Variants in DMBX1 observed in about 807,000 individuals in gnomAD.
The protein encoded by DMBX1 is diencephalon/mesencephalon homeobox 1.
DMBX1 carries 7 observed loss-of-function variants against 30.4 expected under a neutral mutation model. That is an observed-to-expected ratio of 0.23 (90% CI 0.13 to 0.43). The LOEUF is 0.43. Ranked by LOEUF, DMBX1 falls within the 20% of genes least tolerant of loss-of-function variation. The pLI is 1.00. For synonymous variants in DMBX1, 222 were observed against 214.2 expected (o/e 1.04, Z -0.32); for missense variants, 460 against 508.5 (o/e 0.90, Z 0.92).
Position 46,510,700 on chromosome 1 carries a change from C to T in DMBX1, c.333+46C>T, listed in dbSNP as rs113926074. Reference sequence around the variant, plus strand: ...CTAGGCCTTGCAGACAAACACCAGCCCATCAGTCTGCCCGCTTGTCCAGGA... The same window carrying T: ...CTAGGCCTTGCAGACAAACACCAGCTCATCAGTCTGCCCGCTTGTCCAGGA... On this transcript the variant is annotated intron_variant, in intron 4 of 5. Coordinates refer to ENST00000360032, the MANE Select transcript of DMBX1 (RefSeq NM_172225.2). This position sits in a 1 kb window ranked among gnomAD's most constrained non-coding sequence, Gnocchi z 4.1. 4 of 1,585,700 alleles carry T rather than the reference C, an allele frequency of 2.5e-6. No homozygotes were observed. The African/African-American group carries it at 4.0e-5, about 16-fold the overall frequency.
chr1:46,511,958 A>G, intron 5 of DMBX1, 85 bp from the exon 6 acceptor site: 3 of 1,337,904 alleles, frequency 2.2e-6, no homozygotes, highest in Non-Finnish European at 3.1e-6. Context: ...TATAGTGCCA[A>G]GGAGGTGAGA....
In DMBX1 at chr1:46,513,231, CT is replaced by C; in HGVS notation, c.*739del. On this transcript the variant is annotated 3_prime_UTR_variant, in exon 6 of 6. Transcript: ENST00000360032. Reference sequence around the variant, plus strand: ...AATTTTGCGACTTCCCGTTGCTCTCCTTCTATTCCCTTCCTTCTGCCCTGCC... The same window carrying C: ...AATTTTGCGACTTCCCGTTGCTCTCCTCTATTCCCTTCCTTCTGCCCTGCC... 1 of 152,896 alleles carries C rather than the reference CT, an allele frequency of 6.5e-6. No homozygotes were observed. The highest frequency in any genetic ancestry group is 1.5e-5 in the Non-Finnish European group (1 of 68,538). 9.5% of individuals were successfully genotyped at this position (152,896 alleles called of 1,614,324 possible). A position where few individuals can be genotyped will look rare whatever the true frequency, so the allele number is the denominator to read the frequency against.
chr1:46,498,665 A>G (rs1666068734), intron 2 of DMBX1, among the ~76,000 whole-genome samples: 2 of 152,182 alleles, frequency 1.3e-5, no homozygotes, highest in Admixed American at 1.3e-4. Context: ...ACACCCACCA[A>G]GACACATAAA....
intron 2 of DMBX1, among the ~76,000 whole-genome samples, chr1:46,500,686 T>C (rs1666108596): frequency 6.6e-6 from 1 of 152,258 alleles, no homozygotes; most frequent in South Asian, 2.1e-4. Context: ...TGCATATTTA[T>C]ACATACATTA....
chr1:46,510,339 TA>T lies in DMBX1; in HGVS notation c.155-135del. On this transcript the variant is annotated intron_variant, in intron 3 of 5. Coordinates refer to ENST00000360032, the MANE Select transcript of DMBX1 (RefSeq NM_172225.2). The surrounding 1 kb of genome is among the most constrained non-coding windows in gnomAD (Gnocchi z 4.1). ...ATATGGAGAGGGGATGGCTGATTTC[TA>T]AGGGTAAGGGACCAGGGCCAGCTCT... 2 of 1,091,704 alleles carry T rather than the reference TA, an allele frequency of 1.8e-6. No individual in the cohort carries two copies. The highest frequency in any genetic ancestry group is 1.3e-6 in the Non-Finnish European group (1 of 783,650). 67.6% of individuals were successfully genotyped at this position (1,091,704 alleles called of 1,614,324 possible).
Position 46,512,449 on chromosome 1 carries a change from C to A in DMBX1, c.1089C>A (p.Ala363=). The A allele has an allele frequency of 2.5e-6, 4 of 1,613,672 alleles. No individual in the cohort carries two copies. The highest frequency in any genetic ancestry group is 3.4e-6 in the Non-Finnish European group (4 of 1,179,848). ...TTSIENLRLR[A]KQHAASLGLD... The stretch of plus-strand genomic sequence containing the variant: ...GCATCGAGAACCTGCGGCTCCGGGC[C>A]AAGCAGCACGCGGCCTCCCTGGGAC... Residue 363 remains alanine, a synonymous_variant, in exon 6 of 6, where the codon GCC becomes GCA. Transcript: ENST00000360032. The surrounding 1 kb of genome is among the most constrained non-coding windows in gnomAD (Gnocchi z 4.8).
In DMBX1 at chr1:46,505,762, A is replaced by T. The variant is rs1266468306; in HGVS notation, c.-12-1237A>T. ...ACTTAAAGTATAATAATAATAAAAA[A>T]AAATAAAACATTAACTTCTACTTAA... On this transcript the variant is annotated intron_variant, in intron 2 of 5. Transcript: ENST00000360032. 4.0e-5 allele frequency among the ~76,000 whole-genome samples: 6 copies of T among 151,184 alleles called. No homozygotes were observed. The South Asian group carries it at 6.3e-4, about 16-fold the overall frequency.
At chr1:46,496,868 A>C (rs1328056779) in intron 2 of DMBX1, among the ~76,000 whole-genome samples, 1 of 152,206 alleles carries the variant, frequency 6.6e-6, no homozygotes, top group Non-Finnish European at 1.5e-5. Flanking sequence ...GGGTTCGTGT[A>C]TTCATGATCT....
rs1362432417 is a variant in DMBX1 at position 46,491,549 on chromosome 1, G to A, written c.-13+766G>A. On this transcript the variant is annotated intron_variant, in intron 2 of 5. Coordinates refer to ENST00000360032, the MANE Select transcript of DMBX1 (RefSeq NM_172225.2). The surrounding 1 kb of genome is among the most constrained non-coding windows in gnomAD (Gnocchi z 5.5). ...TTGGAGGAAAGGGGCTGTCTGTACCGCAAGGGTTGTGTGCTCCACAGCCGA... is the reference window on the plus strand; with the variant it reads ...TTGGAGGAAAGGGGCTGTCTGTACCACAAGGGTTGTGTGCTCCACAGCCGA... 6.6e-6 allele frequency among the ~76,000 whole-genome samples: 1 copy of A among 152,194 alleles called. No homozygotes were observed. Among genetic ancestry groups the A allele is most frequent in the Admixed American group, 6.5e-5 (1 of 15,286 alleles).
In DMBX1 at chr1:46,510,816, G is replaced by A; in HGVS notation, c.334-119G>A. 1 of 1,342,048 alleles carries A rather than the reference G, an allele frequency of 7.5e-7. No homozygotes were observed. Among genetic ancestry groups the A allele is most frequent in the South Asian group, 1.5e-5 (1 of 67,860 alleles). The allele number at this position is 1,342,048 out of a possible 1,614,324, so 83.1% of individuals were successfully genotyped here. A position where few individuals can be genotyped will look rare whatever the true frequency, so the allele number is the denominator to read the frequency against. ...GGGAGTTTGGGAAGGGACAGAGGGTGTGCATTCCCTAGAGGGGTGGGGGGA... is the reference window on the plus strand; with the variant it reads ...GGGAGTTTGGGAAGGGACAGAGGGTATGCATTCCCTAGAGGGGTGGGGGGA... On this transcript the variant is annotated intron_variant, in intron 4 of 5. Transcript: ENST00000360032. This position sits in a 1 kb window ranked among gnomAD's most constrained non-coding sequence, Gnocchi z 4.1.
chr1:46,496,095 C>T (rs1187704784), intron 2 of DMBX1, among the ~76,000 whole-genome samples: 1 of 152,202 alleles, frequency 6.6e-6, no homozygotes. Flanking sequence ...AGGCTGATCC[C>T]TGGGCTTTCT....
chr1:46,512,259 T>C lies in DMBX1; in HGVS notation c.899T>C (p.Leu300Pro), dbSNP rs780590933. 1.9e-6 allele frequency: 3 copies of C among 1,613,630 alleles called. No homozygotes were observed. The highest frequency in any genetic ancestry group is 2.2e-5 in the South Asian group (2 of 91,078). ...GCGGCGGCTGCTGCTGTGCCCTACC[T>C]GGGCGTCAACATGGCCCCGCTGGGC... ...AAAAAAAVPY[L>P]GVNMAPLGSL... The change falls in exon 6 of 6, where the codon CTG (leucine) becomes CCG (proline). Residue 300 changes from leucine to proline, a missense_variant. Coordinates refer to ENST00000360032, the MANE Select transcript of DMBX1 (RefSeq NM_172225.2). The surrounding 1 kb of genome is among the most constrained non-coding windows in gnomAD (Gnocchi z 4.8).
In DMBX1 at chr1:46,507,065, G is replaced by A. The variant is rs1666250332; in HGVS notation, c.55G>A (p.Ala19Thr). Residue 19 changes from alanine to threonine, a missense_variant, in exon 3 of 6, where the codon GCC becomes ACC. Coordinates refer to ENST00000360032, the MANE Select transcript of DMBX1 (RefSeq NM_172225.2). The stretch of plus-strand genomic sequence containing the variant: ...ACTGCACGCCATGAACTCACTCAGC[G>A]CCATGTACAACCTGCACCAGCAGGC... ...YSLHAMNSLS[A>T]MYNLHQQAAQ... 5.6e-6 allele frequency: 9 copies of A among 1,614,120 alleles called. No individual in the cohort carries two copies. The highest frequency in any genetic ancestry group is 1.1e-5 in the South Asian group (1 of 91,086).
intron 2 of DMBX1, among the ~76,000 whole-genome samples, chr1:46,505,785 TAAA>T (rs71572613): frequency 7.0e-6 from 1 of 143,434 alleles, no homozygotes; most frequent in Admixed American, 6.9e-5. Flanking sequence ...AACTTCTACT[TAAA>T]AAAAAAAAAA....
At position 46,512,096 on chromosome 1, in the gene DMBX1, G is replaced by A. The variant is rs1666385440; in HGVS notation, c.736G>A (p.Gly246Ser). Reference sequence around the variant, plus strand: ...TGTGGCCCCAGGGGGTGGCCTCCTGGGCCCCTCCCACTCCTATTCCTCGTC... The same window carrying A: ...TGTGGCCCCAGGGGGTGGCCTCCTGAGCCCCTCCCACTCCTATTCCTCGTC... The part of the protein sequence containing the change: ...TPVAPGGGLL[G>S]PSHSYSSSPL... The change falls in exon 6 of 6, where the codon GGC (glycine) becomes AGC (serine). Residue 246 changes from glycine (G) to serine (S), a missense_variant. Transcript: ENST00000360032. This position sits in a 1 kb window ranked among gnomAD's most constrained non-coding sequence, Gnocchi z 4.8. 6.2e-7 allele frequency: 1 copy of A among 1,613,540 alleles called. No homozygotes were observed.
chr1:46,514,221 A>G lies in DMBX1; in HGVS notation c.*1727A>G, dbSNP rs7516056. The G allele has an allele frequency of 8.5e-6, 1 of 118,182 alleles. No homozygotes were observed. The highest frequency in any genetic ancestry group is 1.8e-5 in the Non-Finnish European group (1 of 56,290). 7.3% of individuals were successfully genotyped at this position (118,182 alleles called of 1,614,324 possible). A position where few individuals can be genotyped will look rare whatever the true frequency, so the allele number is the denominator to read the frequency against. On this transcript the variant is annotated 3_prime_UTR_variant, in exon 6 of 6. Coordinates refer to ENST00000360032, the MANE Select transcript of DMBX1 (RefSeq NM_172225.2). ...GAGTGAGACTCCATCTCAAAAAAAAAAAAAAAATAAATAAAAGCTGTGTGA... is the reference window on the plus strand; with the variant it reads ...GAGTGAGACTCCATCTCAAAAAAAAGAAAAAAATAAATAAAAGCTGTGTGA...
At chr1:46,501,263 T>TTTCTTTCTTTCTTTCTTTCTC (rs1666130627) in intron 2 of DMBX1, among the ~76,000 whole-genome samples, 1 of 130,478 alleles carries the variant, frequency 7.7e-6, no homozygotes, top group African/African-American at 3.0e-5. Flanking sequence ...TCTTTCTTTC[T>TTTCTTTCTTTCTTTCTTTCTC]TTCTTTCTCT....
At chr1:46,505,018 A>G (rs1666204736) in intron 2 of DMBX1, among the ~76,000 whole-genome samples, 1 of 151,958 alleles carries the variant, frequency 6.6e-6, no homozygotes, top group Admixed American at 6.6e-5. Flanking sequence ...ATCACTGGCC[A>G]TCAGAGAAAT....
Position 46,515,831 on chromosome 1 carries a change from A to G in DMBX1, c.*3337A>G, listed in dbSNP as rs1027896495. Among the ~76,000 whole-genome samples, 1 of 152,204 alleles carries G rather than the reference A, an allele frequency of 6.6e-6. No homozygotes were observed. The highest frequency in any genetic ancestry group is 1.5e-5 in the Non-Finnish European group (1 of 68,030). On this transcript the variant is annotated 3_prime_UTR_variant, in exon 6 of 6. Coordinates refer to ENST00000360032, the MANE Select transcript of DMBX1 (RefSeq NM_172225.2). ...TCAAGCTCTGACTGTCCCTTCCAGG[A>G]ATGCCTCATGCCTGGCCTCTCCCTG...
Sources: allele counts gnomAD v4.1 joint callset (sites outside exome capture counted in the v4.1 genomes callset), GRCh38; gene constraint gnomAD v4.1.1; non-coding constraint Gnocchi (gnomAD v3.1); transcripts MANE v1.5; gene names NCBI Gene and HGNC (gene_info 2026-07-23, HGNC 2026-07-21).